Variants in IRAG2 observed in about 807,000 individuals in gnomAD.
The protein encoded by IRAG2 is lymphoid restricted membrane protein.
IRAG2 carries 45 observed loss-of-function variants against 69.9 expected under a neutral mutation model. The ratio of observed to expected loss-of-function variants is 0.64; its 90% CI spans 0.51 to 0.83. The LOEUF (loss-of-function observed/expected upper bound fraction) is 0.83. Ranked by LOEUF, IRAG2 falls within the 40% of genes least tolerant of loss-of-function variation. The pLI is 0.00. For synonymous variants in IRAG2, 193 were observed against 202.4 expected, an observed-to-expected ratio of 0.95 and a Z score of 0.40; for missense variants, 520 against 587.0, an observed-to-expected ratio of 0.89 and a Z score of 1.18.
intron 5 of IRAG2, among the ~76,000 whole-genome samples, chr12:25,015,592 T>C (rs1431181669): frequency 6.6e-6 from 1 of 152,236 alleles, no homozygotes; most frequent in Non-Finnish European, 1.5e-5. Flanking sequence ...AATGCCTGCA[T>C]TAGAAACAGT....
chr12:25,002,649 C>CT (rs374969962), upstream of IRAG2, among the ~76,000 whole-genome samples: 60 of 145,508 alleles, frequency 4.1e-4, no homozygotes, highest in South Asian at 1.1e-3. Flanking sequence ...TTCTTCTTTT[C>CT]TTTTTTTTTT....
At chr12:25,098,057 G>T (rs1285973526) in intron 15 of IRAG2, among the ~76,000 whole-genome samples, 1 of 152,078 alleles carries the variant, frequency 6.6e-6, no homozygotes, top group Admixed American at 6.6e-5. Flanking sequence ...CTGCTTTCCT[G>T]GCCAAGCTTA....
At chr12:25,023,385 C>A (rs1196623967) in intron 7 of IRAG2, among the ~76,000 whole-genome samples, 1 of 151,836 alleles carries the variant, frequency 6.6e-6, no homozygotes, top group Non-Finnish European at 1.5e-5. Context: ...TGGCAAATAG[C>A]CTGTCCTGAA....
chr12:25,049,982 CAAAAAAAAAAAA>C (rs56185966), upstream of IRAG2, among the ~76,000 whole-genome samples: 5 of 71,308 alleles, frequency 7.0e-5, no homozygotes, highest in Admixed American at 1.6e-4. Flanking sequence ...AACTGTGTCT[CAAAAAAAAAAAA>C]AAAAAAAAAA....
At chr12:25,000,828 T>C (rs973718472), upstream of IRAG2, among the ~76,000 whole-genome samples, 10 of 152,226 alleles carry the variant, frequency 6.6e-5, no homozygotes, top group Non-Finnish European at 1.3e-4. Flanking sequence ...TACAATTCAC[T>C]TTCAGTTCTT....
At chr12:25,022,703 A>G (rs1944590742) in intron 7 of IRAG2, among the ~76,000 whole-genome samples, 1 of 152,238 alleles carries the variant, frequency 6.6e-6, no homozygotes, top group Non-Finnish European at 1.5e-5. Flanking sequence ...GAAGTTTTTA[A>G]TTGTTCAAAG....
chr12:25,083,459 ACT>A lies in IRAG2; in HGVS notation c.284_285del (p.Ser95TyrfsTer3). ...GCTCATGATAATATTGCATTCCAAG[ACT>A]CTACGAGTAAGGATAAAACCATATT... On this transcript the variant is annotated frameshift_variant, in exon 10 of 22. Coordinates refer to ENST00000556887, the MANE Select transcript of IRAG2 (RefSeq NM_001366544.2). LOFTEE classifies it high-confidence loss of function. 1.9e-6 allele frequency: 3 copies of A among 1,611,920 alleles called. No individual in the cohort carries two copies. Among genetic ancestry groups the A allele is most frequent in the Non-Finnish European group, 8.5e-7 (1 of 1,178,114 alleles).
intron 6 of IRAG2, chr12:25,076,598 C>T (rs1279451034): frequency 6.1e-6 from 6 of 982,264 alleles, no homozygotes; most frequent in Non-Finnish European, 7.3e-6. Flanking sequence ...GAACTGCATT[C>T]TCTTTCATAT....
At chr12:25,037,651 C>T (rs867839449) in intron 15 of IRAG2, among the ~76,000 whole-genome samples, 1 of 152,164 alleles carries the variant, frequency 6.6e-6, no homozygotes, top group South Asian at 2.1e-4. Flanking sequence ...TATCTTGTCC[C>T]ATCCTGTTCT....
At chr12:25,083,591 C>T in intron 10 of IRAG2, 98 bp downstream of exon 10, 2 of 708,460 alleles carry the variant, frequency 2.8e-6, no homozygotes, top group Non-Finnish European at 2.4e-6. Flanking sequence ...TCTCATTTAT[C>T]CTTTCAAAAT....
chr12:25,103,961 TA>T (rs1948894736), intron 18 of IRAG2, 47 bp from the exon 19 acceptor site: 2 of 1,602,952 alleles, frequency 1.2e-6, no homozygotes. Context: ...ACAGAAAATA[TA>T]AACGTATATT....
intron 6 of IRAG2, among the ~76,000 whole-genome samples, chr12:25,075,494 G>A (rs1327804896): frequency 6.6e-6 from 1 of 150,872 alleles, no homozygotes; most frequent in Admixed American, 6.7e-5. Context: ...TCTAAATATT[G>A]AAATAATATT....
intron 12 of IRAG2, among the ~76,000 whole-genome samples, chr12:25,032,900 G>A (rs1275096497): frequency 1.3e-5 from 2 of 151,890 alleles, no homozygotes; most frequent in African/African-American, 2.4e-5. Flanking sequence ...TCAGTCCATT[G>A]TGTTGACTTT....
intron 4 of IRAG2, 111 bp downstream of exon 4, chr12:25,063,927 G>T: frequency 2.5e-6 from 1 of 396,326 alleles, no homozygotes; most frequent in Non-Finnish European, 4.5e-6. Flanking sequence ...TTGAATACGT[G>T]TATATTTACC....
chr12:25,060,821 C>G (rs1945582759), intron 1 of IRAG2, among the ~76,000 whole-genome samples: 1 of 149,772 alleles, frequency 6.7e-6, no homozygotes, highest in African/African-American at 2.5e-5. Flanking sequence ...CCACCACACC[C>G]AGCTAATTTT....
chr12:25,085,713 C>G (rs1036401002), intron 10 of IRAG2, among the ~76,000 whole-genome samples: 1 of 140,728 alleles, frequency 7.1e-6, no homozygotes, highest in Non-Finnish European at 1.5e-5. Context: ...CCCCGCCTTT[C>G]TCTATCCAGC....
chr12:25,101,198 A>T lies in IRAG2; in HGVS notation c.762A>T (p.Ala254=). ...AINQESRVSK[A]VEVMIQHVEN... is the part of the protein sequence containing the mutation. The stretch of plus-strand genomic sequence containing the variant: ...GCTAGGAAAGCCGGGTTAGTAAAGC[A>T]GTTGAAGTGATGATTCAGCACGTAG... Residue 254 remains alanine, a synonymous_variant, in exon 16 of 22, where the codon GCA becomes GCT. Coordinates refer to ENST00000556887, the MANE Select transcript of IRAG2 (RefSeq NM_001366544.2). The T allele has an allele frequency of 6.2e-7, 1 of 1,608,512 alleles. No individual in the cohort carries two copies. Among genetic ancestry groups the T allele is most frequent in the Non-Finnish European group, 8.5e-7 (1 of 1,176,976 alleles).
chr12:25,071,190 A>T (rs1051400667), intron 6 of IRAG2, among the ~76,000 whole-genome samples: 2 of 151,256 alleles, frequency 1.3e-5, no homozygotes, highest in African/African-American at 4.9e-5. Flanking sequence ...CCCCATCTTT[A>T]CTAAAAATAC....
rs1360425586 is a variant in IRAG2 at position 25,107,878 on chromosome 12, G to A, written c.1318G>A (p.Ala440Thr). 1 of 1,613,944 alleles carries A rather than the reference G, an allele frequency of 6.2e-7. No individual in the cohort carries two copies. The highest frequency in any genetic ancestry group is 1.3e-5 in the African/African-American group (1 of 74,890). The change falls in exon 22 of 22, where the codon GCC becomes ACC. Residue 440 changes from alanine (A) to threonine (T), a missense_variant. Coordinates refer to ENST00000556887, the MANE Select transcript of IRAG2 (RefSeq NM_001366544.2). ...GTCCTCCATCAGAAAGGCTAATAAG[G>A]CCCTCTGGCTCTCTATTGCATTCAT... is the stretch of plus-strand genomic sequence containing the variant. ...LKSSIRKANKALWLSIAFIVL... is the reference protein window; with the variant it reads ...LKSSIRKANKTLWLSIAFIVL...
Sources: allele counts gnomAD v4.1 joint callset (sites outside exome capture counted in the v4.1 genomes callset), GRCh38; gene constraint gnomAD v4.1.1; transcripts MANE v1.5; gene names NCBI Gene and HGNC (gene_info 2026-07-23, HGNC 2026-07-21).